Variants in NEU3 observed in about 807,000 individuals in gnomAD.
The protein encoded by NEU3 is neuraminidase 3.
A neutral mutation model predicts 11.4 loss-of-function variants in NEU3; 10 were observed. The ratio of observed to expected loss-of-function variants is 0.88; its 90% CI spans 0.54 to 1.49. NEU3 has a LOEUF of 1.49. Among genes scored for constraint, NEU3 ranks in the 40% most tolerant of loss-of-function variants. The probability of loss-of-function intolerance (pLI) is 0.00; values close to 1 mark genes in which losing one functional copy is unlikely to be tolerated. For synonymous variants in NEU3, 212 were observed against 228.2 expected, an observed-to-expected ratio of 0.93 and a Z score of 0.64; for missense variants, 529 against 581.8, an observed-to-expected ratio of 0.91 and a Z score of 0.93.
chr11:75,000,526 T>G (rs1948832421), intron 2 of NEU3, among the ~76,000 whole-genome samples: 1 of 152,188 alleles, frequency 6.6e-6, no homozygotes, highest in South Asian at 2.1e-4. Context: ...TATAATGTCC[T>G]CAAGTTTCAT....
upstream of NEU3, among the ~76,000 whole-genome samples, chr11:74,984,723 G>T (rs572575): frequency 0.9 from 136,653 of 152,068 alleles, 61,618 homozygotes; most frequent in African/African-American, 0.97. Context: ...TGCTAATACG[G>T]GTGCCAGGCC....
intron 1 of NEU3, among the ~76,000 whole-genome samples, chr11:74,989,405 C>T (rs920990317): frequency 1.3e-5 from 2 of 152,200 alleles, no homozygotes; most frequent in African/African-American, 2.4e-5. Flanking sequence ...AAAAGCCCTG[C>T]TTACCAAAGG....
At chr11:74,998,112 A>G (rs1480632532) in intron 2 of NEU3, among the ~76,000 whole-genome samples, 8 of 152,182 alleles carry the variant, frequency 5.3e-5, no homozygotes, top group Admixed American at 5.2e-4. Context: ...AGGAAGAGAG[A>G]TGAGGGAACA....
At chr11:75,017,648 T>C (rs887024635) in intron 3 of NEU3, among the ~76,000 whole-genome samples, 13 of 152,118 alleles carry the variant, frequency 8.5e-5, no homozygotes, top group Admixed American at 5.9e-4. Context: ...TTTGGGGATA[T>C]TGGGGCCAAA....
chr11:75,011,833 A>AC (rs1565499987), downstream of NEU3, among the ~76,000 whole-genome samples: 2 of 151,884 alleles, frequency 1.3e-5, no homozygotes. Flanking sequence ...TGAGGAGTTA[A>AC]CTTTTTTTTT....
At position 75,006,288 on chromosome 11, in the gene NEU3, G is replaced by A. The variant is rs753660330; in HGVS notation, c.1182G>A (p.Trp394Ter). Reference sequence around the variant, plus strand: ...AGGCTGCCTGCTGGTCCCGCCCCTGGATCTTGCACTGTGGGCCCTGTGGCT... The same window carrying A: ...AGGCTGCCTGCTGGTCCCGCCCCTGAATCTTGCACTGTGGGCCCTGTGGCT... ...PLEAACWSRP[W>*]ILHCGPCGYS... The change falls in exon 3 of 3, where the codon TGG (tryptophan) becomes TGA (stop). Residue 394 changes from tryptophan to a stop codon, truncating the protein, a stop_gained. Coordinates refer to ENST00000294064, the MANE Select transcript of NEU3 (RefSeq NM_006656.6). LOFTEE classifies it high-confidence loss of function. 32 of 1,613,878 alleles carry A rather than the reference G, an allele frequency of 2.0e-5. 2 individuals are homozygous for A. In the South Asian group the frequency reaches 2.4e-4, roughly 12 times the overall value.
upstream of NEU3, chr11:74,988,921 C>T (rs1206051603): frequency 5.8e-6 from 4 of 693,334 alleles, no homozygotes; most frequent in South Asian, 4.9e-5. Context: ...GTTGCCGTTA[C>T]CTGTTTCCGG....
At chr11:74,988,927 T>TAAAGAC, upstream of NEU3, 3 of 716,754 alleles carry the variant, frequency 4.2e-6, no homozygotes, top group Non-Finnish European at 7.0e-6. Context: ...GTTACCTGTT[T>TAAAGAC]CCGGCAGTCG....
chr11:75,004,556 G>T (rs537788200), intron 2 of NEU3, among the ~76,000 whole-genome samples: 1 of 152,186 alleles, frequency 6.6e-6, no homozygotes, highest in East Asian at 1.9e-4. Context: ...TTGAAAATAT[G>T]TTAGGGAGAT....
chr11:74,988,545 A>G (rs964728105), upstream of NEU3: 1 of 155,340 alleles, frequency 6.4e-6, no homozygotes, highest in Non-Finnish European at 1.4e-5. Context: ...ATATTTTGCA[A>G]GGAGAGTAGC....
At chr11:74,990,608 C>A (rs1948721213) in intron 1 of NEU3, among the ~76,000 whole-genome samples, 1 of 152,132 alleles carries the variant, frequency 6.6e-6, no homozygotes, top group African/African-American at 2.4e-5. Context: ...GATCTGCCCA[C>A]CTCAGCCTCC....
At chr11:75,013,811 A>G (rs1342825300), downstream of NEU3, among the ~76,000 whole-genome samples, 1 of 152,246 alleles carries the variant, frequency 6.6e-6, no homozygotes, top group Non-Finnish European at 1.5e-5. Flanking sequence ...AGATTCAGCA[A>G]GGTTACACAA....
intron 3 of NEU3, among the ~76,000 whole-genome samples, chr11:75,016,553 C>G (rs1948982302): frequency 6.6e-6 from 1 of 152,136 alleles, no homozygotes; most frequent in South Asian, 2.1e-4. Context: ...GTTTGTTTAC[C>G]ATATTATTCC....
chr11:75,013,188 G>C (rs1200484934), downstream of NEU3, among the ~76,000 whole-genome samples: 5 of 152,314 alleles, frequency 3.3e-5, no homozygotes, highest in East Asian at 9.6e-4. Context: ...CAAGTCACTG[G>C]CCCTCCTGGG....
intron 3 of NEU3, among the ~76,000 whole-genome samples, chr11:75,016,497 A>G (rs1016304584): frequency 6.6e-6 from 1 of 152,198 alleles, no homozygotes; most frequent in African/African-American, 2.4e-5. Context: ...GGTTAACACC[A>G]AGTCCTATGG....
chr11:75,006,103 A>T lies in NEU3; in HGVS notation c.997A>T (p.Ser333Cys). The change falls in exon 3 of 3, where the codon AGC (serine) becomes TGC (cysteine). Residue 333 changes from serine to cysteine, a missense_variant. Ser to Cys is a moderately radical substitution (Grantham distance 112, BLOSUM62 -1). Coordinates refer to ENST00000294064, the MANE Select transcript of NEU3 (RefSeq NM_006656.6). ...CCCACATAGGTGCCAGGACTCTAGC[A>T]GCAAAGATGCACCCACCATTCAGCA... ...EIPHRCQDSS[S>C]KDAPTIQQSS... 3 of 1,614,028 alleles carry T rather than the reference A, an allele frequency of 1.9e-6. No homozygotes were observed. The South Asian group carries it at 3.3e-5, about 18-fold the overall frequency.
chr11:75,003,209 G>C (rs181393649), intron 2 of NEU3, among the ~76,000 whole-genome samples: 6 of 152,184 alleles, frequency 3.9e-5, no homozygotes, highest in Admixed American at 1.3e-4. Context: ...GCCCTTTAAG[G>C]TTCCATCTCA....
chr11:74,981,438 T>C, the NEU3 span, among the ~76,000 whole-genome samples: 1 of 152,186 alleles, frequency 6.6e-6, no homozygotes, highest in Non-Finnish European at 1.5e-5. Flanking sequence ...TAAGCTACCT[T>C]GAAATGAGCA....
At chr11:74,989,871 A>T in intron 1 of NEU3, 1 of 671,546 alleles carries the variant, frequency 1.5e-6, no homozygotes, top group Non-Finnish European at 2.7e-6. Context: ...TGGGAAAGTG[A>T]TTATATCGAG....
Sources: gnomAD v4.1 joint callset for allele counts (sites outside exome capture counted in the v4.1 genomes callset) on GRCh38, gnomAD v4.1.1 for gene constraint, MANE v1.5 for transcripts, NCBI Gene and HGNC (gene_info 2026-07-23, HGNC 2026-07-21) for gene names.